The following LINGO2 variants were observed in gnomAD, a reference collection of about 807,000 sequenced individuals.
The protein encoded by LINGO2 is leucine rich repeat and Ig domain containing 2.
In LINGO2, 14 loss-of-function variants were observed where a neutral mutation model predicts 30.6. The observed-to-expected ratio is 0.46, with a 90% CI of 0.30 to 0.72. The LOEUF (loss-of-function observed/expected upper bound fraction) is 0.72, where lower values mean the gene tolerates loss of function less well. LINGO2 is among the 30% of genes least tolerant of loss of function. The pLI is 0.07. For missense variants in LINGO2, 729 were observed against 751.7 expected (o/e 0.97, Z 0.35); for synonymous variants, 317 against 288.5 (o/e 1.10, Z -1.00).
chr9:28,409,366 C>A (rs1822653711), intron 2 of LINGO2, among the ~76,000 whole-genome samples: 1 of 152,024 alleles, frequency 6.6e-6, no homozygotes, highest in African/African-American at 2.4e-5. Flanking sequence ...CAGATCCATC[C>A]TATCCATTTC....
At chr9:28,651,173 ACT>A (rs1293450581) in intron 1 of LINGO2, among the ~76,000 whole-genome samples, 1 of 145,012 alleles carries the variant, frequency 6.9e-6, no homozygotes, top group African/African-American at 2.7e-5. Flanking sequence ...ACAGAGCAAG[ACT>A]CAGTCTCAAA....
chr9:29,175,064 T>C, the LINGO2 span, among the ~76,000 whole-genome samples: 1 of 151,994 alleles, frequency 6.6e-6, no homozygotes, highest in Non-Finnish European at 1.5e-5. Flanking sequence ...TTAGAGACCA[T>C]CCTGACCAAC....
chr9:28,477,402 A>T (rs1346775608), intron 1 of LINGO2, among the ~76,000 whole-genome samples: 1 of 152,152 alleles, frequency 6.6e-6, no homozygotes, highest in African/African-American at 2.4e-5. Context: ...TAGTAAAAAA[A>T]ACAGGGTAGG....
intron 4 of LINGO2, among the ~76,000 whole-genome samples, chr9:28,040,844 T>TA (rs1490788349): frequency 1.3e-5 from 2 of 152,096 alleles, no homozygotes; most frequent in East Asian, 1.9e-4. Context: ...ATTTTCCCAC[T>TA]AAAAAATATA....
chr9:28,419,103 TA>T (rs1349567031), intron 2 of LINGO2, among the ~76,000 whole-genome samples: 4 of 152,120 alleles, frequency 2.6e-5, no homozygotes, highest in African/African-American at 7.2e-5. Flanking sequence ...ATATGTCATA[TA>T]TTTTTTTCTC....
chr9:28,365,105 T>C (rs1223359917), intron 3 of LINGO2, among the ~76,000 whole-genome samples: 1 of 152,126 alleles, frequency 6.6e-6, no homozygotes, highest in African/African-American at 2.4e-5. Context: ...CTCTCTAAGT[T>C]CAAATAAGGG....
chr9:28,044,642 A>G (rs1824335490), intron 4 of LINGO2, among the ~76,000 whole-genome samples: 1 of 152,156 alleles, frequency 6.6e-6, no homozygotes, highest in Non-Finnish European at 1.5e-5. Context: ...TGGTAGTTCT[A>G]AGTCAAGCAA....
At chr9:29,000,333 A>G in the LINGO2 span, among the ~76,000 whole-genome samples, 1 of 151,920 alleles carries the variant, frequency 6.6e-6, no homozygotes, top group Non-Finnish European at 1.5e-5. Flanking sequence ...TATGCACTGC[A>G]TTAAAAATTA....
intron 3 of LINGO2, among the ~76,000 whole-genome samples, chr9:28,341,493 A>G (rs1206503680): frequency 2.6e-5 from 4 of 152,162 alleles, no homozygotes; most frequent in East Asian, 1.9e-4. Context: ...GATGCACTTT[A>G]CAGTGATGAG....
At chr9:28,975,838 T>A in the LINGO2 span, among the ~76,000 whole-genome samples, 2 of 152,178 alleles carry the variant, frequency 1.3e-5, no homozygotes, top group Non-Finnish European at 2.9e-5. Flanking sequence ...TTGTTAATAA[T>A]TCATGGTTAG....
intron 2 of LINGO2, among the ~76,000 whole-genome samples, chr9:28,383,257 TGTGTGTGTGTGTG>T (rs1821430065): frequency 2.7e-5 from 4 of 149,014 alleles, no homozygotes; most frequent in Admixed American, 1.3e-4. Context: ...CCATTCATTG[TGTGTGTGTGTGTG>T]TGTGTGTGTG....
intron 4 of LINGO2, among the ~76,000 whole-genome samples, chr9:28,292,188 G>A (rs929907743): frequency 3.9e-5 from 6 of 152,126 alleles, no homozygotes; most frequent in South Asian, 2.1e-4. Context: ...GAGTGTGATC[G>A]GGAGCCAGCC....
the LINGO2 span, among the ~76,000 whole-genome samples, chr9:28,703,437 G>A: frequency 6.6e-6 from 1 of 151,398 alleles, no homozygotes. Flanking sequence ...CTCCCTTTAT[G>A]TATTTCTAAC....
At chr9:28,167,148 C>CAA (rs1046611642) in intron 4 of LINGO2, among the ~76,000 whole-genome samples, 2 of 141,914 alleles carry the variant, frequency 1.4e-5, no homozygotes, top group Non-Finnish European at 3.1e-5. Context: ...CACCCCCCCC[C>CAA]CCCACTTTTC....
At chr9:28,951,962 A>G in the LINGO2 span, among the ~76,000 whole-genome samples, 2 of 152,174 alleles carry the variant, frequency 1.3e-5, no homozygotes, top group African/African-American at 4.8e-5. Context: ...ATCACTGATC[A>G]TTAGAGAAAT....
rs1346170699 is a variant in LINGO2 at position 28,018,610 on chromosome 9, A to G, written c.-86-6205T>C. ...AAAAAAATCCTCAGCATCGCTAATC[A>G]CTGGGGAAATGCAAATACAAACCAC... On this transcript the variant is annotated intron_variant, in intron 4 of 5. Transcript: ENST00000379992. 2.6e-5 allele frequency among the ~76,000 whole-genome samples: 4 copies of G among 152,202 alleles called. No individual in the cohort carries two copies. In the East Asian group the frequency reaches 5.8e-4, roughly 22 times the overall value.
chr9:28,188,284 TA>T (rs567709275), intron 4 of LINGO2, among the ~76,000 whole-genome samples: 7,101 of 37,810 alleles, frequency 0.19, 254 homozygotes, highest in Admixed American at 0.32. Context: ...ATAGTCCACA[TA>T]ATAATTGCTT....
chr9:28,123,722 G>A (rs4878721), intron 4 of LINGO2, among the ~76,000 whole-genome samples: 63,740 of 151,528 alleles, frequency 0.42, 14,964 homozygotes, highest in East Asian at 0.65. Flanking sequence ...GGAGTGCAGC[G>A]GCGTGATCTC....
the LINGO2 span, among the ~76,000 whole-genome samples, chr9:28,904,039 A>C: frequency 6.6e-6 from 1 of 152,164 alleles, no homozygotes; most frequent in South Asian, 2.1e-4. Context: ...TCCTGGTGAT[A>C]CAAGGATGTT....
Sources: allele counts gnomAD v4.1 joint callset (sites outside exome capture counted in the v4.1 genomes callset), GRCh38; gene constraint gnomAD v4.1.1; transcripts MANE v1.5; gene names NCBI Gene and HGNC (gene_info 2026-07-23, HGNC 2026-07-21).